Variants in RECQL observed in about 807,000 individuals in gnomAD.
The protein encoded by RECQL is ATP-dependent DNA helicase Q1.
In RECQL, 73 loss-of-function variants were observed where a neutral mutation model predicts 75.8. The observed-to-expected ratio is 0.96, with a 90% confidence interval of 0.80 to 1.17. The LOEUF (loss-of-function observed/expected upper bound fraction) is 1.17. RECQL is among the 50% of genes most tolerant of loss of function. The pLI is 0.00. For synonymous variants in RECQL, 248 were observed against 254.4 expected (o/e 0.97, Z 0.24); for missense variants, 699 against 772.1 (o/e 0.91, Z 1.12).
intron 2 of RECQL, among the ~76,000 whole-genome samples, chr12:21,493,669 G>A (rs1445336935): frequency 1.3e-5 from 2 of 152,154 alleles, no homozygotes. Flanking sequence ...AACGAAGCAG[G>A]TTACCTTAAA....
chr12:21,492,070 T>C (rs1255970379), intron 2 of RECQL, among the ~76,000 whole-genome samples: 1 of 152,214 alleles, frequency 6.6e-6, no homozygotes, highest in Non-Finnish European at 1.5e-5. Flanking sequence ...TGATAATTAT[T>C]TTTATTATGT....
At chr12:21,471,957 G>C (rs997954306) in intron 12 of RECQL, among the ~76,000 whole-genome samples, 1 of 152,028 alleles carries the variant, frequency 6.6e-6, no homozygotes, top group Non-Finnish European at 1.5e-5. Context: ...AAGTTACTAA[G>C]AGGTGTGTTT....
rs1942861123 is a variant in RECQL at position 21,469,085 on chromosome 12, A to G, written c.*1109T>C. ...TTATCTACTTAGCCAAATGTACTCT[A>G]GTAGACTAGAACCATTCTTTGTGAA... On this transcript the variant is annotated 3_prime_UTR_variant, in exon 15 of 15. Transcript: ENST00000444129. 3 of 227,536 alleles carry G rather than the reference A, an allele frequency of 1.3e-5. No individual in the cohort carries two copies. The South Asian group carries it at 1.8e-4, about 14-fold the overall frequency. 14.1% of individuals were successfully genotyped at this position (227,536 alleles called of 1,614,324 possible).
chr12:21,471,271 AT>A (rs745825015), intron 13 of RECQL, 156 bp downstream of exon 13: 29 of 957,944 alleles, frequency 3.0e-5, no homozygotes, highest in Non-Finnish European at 4.2e-5. Flanking sequence ...ACTTTTTTTT[AT>A]TTATAGTGAT....
At chr12:21,480,127 G>A (rs1231764538) in intron 6 of RECQL, among the ~76,000 whole-genome samples, 1 of 152,158 alleles carries the variant, frequency 6.6e-6, no homozygotes, top group African/African-American at 2.4e-5. Context: ...AGTATGCTGG[G>A]GCTTAAGAAG....
At chr12:21,499,341 G>T (rs1943562488) in intron 2 of RECQL, among the ~76,000 whole-genome samples, 1 of 152,176 alleles carries the variant, frequency 6.6e-6, no homozygotes. Flanking sequence ...GGATAGTGGT[G>T]ACGACTGCAC....
At chr12:21,482,671 G>A (rs7976409) in intron 6 of RECQL, among the ~76,000 whole-genome samples, 23,013 of 152,114 alleles carry the variant, frequency 0.15, 2,087 homozygotes, top group Middle Eastern at 0.27. Flanking sequence ...GGGAAACAGA[G>A]TGATTGCTAT....
rs532453791 is a variant in RECQL at position 21,494,361 on chromosome 12, T to C, written c.17-2645A>G. Among the ~76,000 whole-genome samples the C allele has an allele frequency of 2.0e-5, 3 of 152,264 alleles. No homozygotes were observed. In the East Asian group the frequency reaches 5.8e-4, roughly 29 times the overall value. ...CAAACTACATCAGAAACCTAGAGAATGTATATGGGAATAGATCATAAAGGT... is the reference window on the plus strand; with the variant it reads ...CAAACTACATCAGAAACCTAGAGAACGTATATGGGAATAGATCATAAAGGT... On this transcript the variant is annotated intron_variant, in intron 2 of 14. Coordinates refer to ENST00000444129, the MANE Select transcript of RECQL (RefSeq NM_002907.4).
At position 21,490,600 on chromosome 12, in the gene RECQL, T is replaced by C. The variant is rs192231719; in HGVS notation, c.215-222A>G. 2.0e-5 allele frequency among the ~76,000 whole-genome samples: 3 copies of C among 152,054 alleles called. No individual in the cohort carries two copies. In the East Asian group the frequency reaches 5.8e-4, roughly 29 times the overall value. ...TGGCTCATGCCTATAATCTCAACAG[T>C]TTTGGGAGGCCTAAGCAGGAGGATT... On this transcript the variant is annotated intron_variant, in intron 3 of 14. Coordinates refer to ENST00000444129, the MANE Select transcript of RECQL (RefSeq NM_002907.4).
intron 14 of RECQL, 44 bp from the exon 15 acceptor site, chr12:21,470,390 T>C: frequency 6.7e-7 from 1 of 1,489,496 alleles, no homozygotes; most frequent in Non-Finnish European, 8.9e-7. Flanking sequence ...TTGGTAAAAA[T>C]CCAGCTATTC....
intron 1 of RECQL, 65 bp from the exon 2 acceptor site, chr12:21,499,680 C>A (rs1023843854): frequency 2.5e-6 from 2 of 788,054 alleles, no homozygotes; most frequent in Non-Finnish European, 4.2e-6. Context: ...GATGTTCACT[C>A]AACAGTAATC....
At chr12:21,481,826 TGCTGTACA>T (rs1252310105) in intron 6 of RECQL, among the ~76,000 whole-genome samples, 1 of 151,952 alleles carries the variant, frequency 6.6e-6, no homozygotes. Flanking sequence ...TGAACAGCAC[TGCTGTACA>T]GTAACCAAGG....
intron 2 of RECQL, among the ~76,000 whole-genome samples, chr12:21,499,353 A>G (rs1943563101): frequency 6.6e-6 from 1 of 152,230 alleles, no homozygotes; most frequent in South Asian, 2.1e-4. Flanking sequence ...CGACTGCACA[A>G]CAGTCTAAAT....
chr12:21,472,079 A>G (rs1942981915), intron 12 of RECQL, among the ~76,000 whole-genome samples: 1 of 152,108 alleles, frequency 6.6e-6, no homozygotes, highest in South Asian at 2.1e-4. Flanking sequence ...TCTGATTTAT[A>G]TATAACACTC....
chr12:21,486,273 T>G (rs1278571022), intron 5 of RECQL, among the ~76,000 whole-genome samples: 1 of 152,194 alleles, frequency 6.6e-6, no homozygotes, highest in Non-Finnish European at 1.5e-5. Flanking sequence ...TAGATTTTTT[T>G]TAGCCATTTA....
chr12:21,475,765 G>A lies in RECQL; in HGVS notation c.1009C>T (p.Leu337=), dbSNP rs1330728450. 1.9e-6 allele frequency: 3 copies of A among 1,613,038 alleles called. No individual in the cohort carries two copies. The highest frequency in any genetic ancestry group is 1.7e-5 in the Admixed American group (1 of 59,960). Residue 337 remains leucine (L), a synonymous_variant, in exon 9 of 15, where the codon CTG becomes TTG. Transcript: ENST00000444129. ...TGGTAAGCACCTGCATGAATTCCCA[G>A]ATTCTGCAAACTAACCGTAACTTGT... ...SEQVTVSLQN[L]GIHAGAYHAN... is the part of the protein sequence containing the mutation.
intron 2 of RECQL, among the ~76,000 whole-genome samples, chr12:21,491,970 T>G (rs1191666976): frequency 6.6e-6 from 1 of 152,196 alleles, no homozygotes; most frequent in Non-Finnish European, 1.5e-5. Context: ...GGGGACAATA[T>G]CTAACTTTCA....
chr12:21,491,407 C>T, intron 3 of RECQL, 112 bp downstream of exon 3: 4 of 1,006,392 alleles, frequency 4.0e-6, no homozygotes, highest in Non-Finnish European at 2.8e-6. Flanking sequence ...GGAGAAATGG[C>T]CAGTTTCACC....
intron 14 of RECQL, 150 bp downstream of exon 14, chr12:21,470,819 A>G (rs1015521084): frequency 3.4e-5 from 17 of 495,060 alleles, no homozygotes; most frequent in African/African-American, 1.6e-4. Flanking sequence ...ACAGAAAACT[A>G]TATTTTCTCT....
Sources: allele counts gnomAD v4.1 joint callset (sites outside exome capture counted in the v4.1 genomes callset), GRCh38; gene constraint gnomAD v4.1.1; transcripts MANE v1.5; gene names NCBI Gene and HGNC (gene_info 2026-07-23, HGNC 2026-07-21).